Variants in OSBPL6 observed in about 807,000 individuals in gnomAD.
The protein encoded by OSBPL6 is oxysterol binding protein like 6, also known as oxysterol-binding protein-related protein 6.
Under a neutral mutation model 125.8 loss-of-function variants are expected in OSBPL6, and 49 were observed. The observed-to-expected ratio is 0.39, with a 90% CI of 0.31 to 0.49. The LOEUF (loss-of-function observed/expected upper bound fraction) is 0.49. Among genes scored for constraint, OSBPL6 ranks in the 20% least tolerant of loss-of-function variants. The pLI is 0.88. For missense variants in OSBPL6, 986 were observed against 1,135.4 expected (o/e 0.87, Z 1.89); for synonymous variants, 394 against 391.8 (o/e 1.01, Z -0.07).
intron 1 of OSBPL6, among the ~76,000 whole-genome samples, chr2:178,231,637 C>CTTTT (rs1559141366): frequency 3.9e-5 from 5 of 127,566 alleles, no homozygotes; most frequent in African/African-American, 1.7e-4. Flanking sequence ...AGGGTGGTCC[C>CTTTT]ATTTTTTTTT....
chr2:178,200,247 CTTT>C (rs767677596), intron 1 of OSBPL6, among the ~76,000 whole-genome samples: 2 of 109,740 alleles, frequency 1.8e-5, no homozygotes, highest in Non-Finnish European at 1.8e-5. Context: ...TTCTTCAGAC[CTTT>C]TTTTTTTTTT....
chr2:178,217,673 A>G (rs1262919777), intron 1 of OSBPL6, among the ~76,000 whole-genome samples: 1 of 152,190 alleles, frequency 6.6e-6, no homozygotes, highest in African/African-American at 2.4e-5. Context: ...CAGGTATGAC[A>G]TTTACATAGT....
At chr2:178,388,925 G>A in intron 20 of OSBPL6, 84 bp from the exon 21 acceptor site, 3 of 1,411,600 alleles carry the variant, frequency 2.1e-6, no homozygotes, top group Non-Finnish European at 2.9e-6. Context: ...GGAAGCTTTG[G>A]CCAAAGAATA....
At position 178,363,975 on chromosome 2, in the gene OSBPL6, G is replaced by A. The variant is rs545498688; in HGVS notation, c.1287+2160G>A. The stretch of plus-strand genomic sequence containing the variant: ...CCGTGTGTGTCCATGCCTTCCCCTC[G>A]GCGTAGTCGCACCCCCACTGGCCAT... On this transcript the variant is annotated intron_variant, in intron 13 of 24. Transcript: ENST00000190611. Among the ~76,000 whole-genome samples, 21 of 152,172 alleles carry A rather than the reference G, an allele frequency of 1.4e-4. 1 individual carries two copies. The South Asian group carries it at 3.7e-3, about 27-fold the overall frequency.
chr2:178,369,601 A>G (rs6743734), intron 13 of OSBPL6, among the ~76,000 whole-genome samples: 14 of 152,194 alleles, frequency 9.2e-5, no homozygotes, highest in African/African-American at 1.7e-4. Context: ...TATTTTTCAC[A>G]TCACATCTAA....
At chr2:178,233,513 T>G (rs1472942352) in intron 1 of OSBPL6, among the ~76,000 whole-genome samples, 2 of 152,218 alleles carry the variant, frequency 1.3e-5, no homozygotes, top group South Asian at 4.1e-4. Flanking sequence ...CTGGGGATAT[T>G]ATTACTTTAG....
At chr2:178,316,876 G>T (rs1200654262) in intron 3 of OSBPL6, among the ~76,000 whole-genome samples, 1 of 152,036 alleles carries the variant, frequency 6.6e-6, no homozygotes, top group African/African-American at 2.4e-5. Context: ...AGGATACCAA[G>T]GGAGGACTGT....
intron 15 of OSBPL6, 30 bp from the exon 16 acceptor site, chr2:178,382,390 C>T (rs1694560016): frequency 6.4e-7 from 1 of 1,557,140 alleles, no homozygotes; most frequent in African/African-American, 1.4e-5. Context: ...AACAAGAATT[C>T]TGATCCTTGT....
chr2:178,326,626 C>T (rs1688716138), intron 4 of OSBPL6, among the ~76,000 whole-genome samples: 1 of 152,138 alleles, frequency 6.6e-6, no homozygotes, highest in South Asian at 2.1e-4. Flanking sequence ...CTATTTTATA[C>T]TGAGATGAGT....
chr2:178,268,135 T>G (rs969304868), intron 1 of OSBPL6, among the ~76,000 whole-genome samples: 1 of 150,938 alleles, frequency 6.6e-6, no homozygotes, highest in Non-Finnish European at 1.5e-5. Context: ...CAGGCTAGAG[T>G]GCAATGATGT....
chr2:178,325,842 A>G (rs546941910), intron 4 of OSBPL6, among the ~76,000 whole-genome samples: 2 of 152,328 alleles, frequency 1.3e-5, no homozygotes, highest in Non-Finnish European at 2.9e-5. Context: ...CTCACAGCAG[A>G]TGGGGCTTGG....
chr2:178,332,611 T>C (rs200155109), intron 6 of OSBPL6, 30 bp from the exon 7 acceptor site: 3 of 1,473,282 alleles, frequency 2.0e-6, no homozygotes, highest in African/African-American at 2.8e-5. Context: ...ATATATCCTT[T>C]CAGCCTATTT....
Position 178,349,729 on chromosome 2 carries a change from T to C in OSBPL6, c.1153+340T>C, listed in dbSNP as rs945417018. Reference sequence around the variant, plus strand: ...ATTTATTGGTTCTCTTTAGATTCTGTTTATTTCTTTTTTTATTAAATAACA... The same window carrying C: ...ATTTATTGGTTCTCTTTAGATTCTGCTTATTTCTTTTTTTATTAAATAACA... On this transcript the variant is annotated intron_variant, in intron 12 of 24. Coordinates refer to ENST00000190611, the MANE Select transcript of OSBPL6 (RefSeq NM_032523.4). Among the ~76,000 whole-genome samples the C allele has an allele frequency of 2.6e-5, 4 of 152,332 alleles. No individual in the cohort carries two copies. In the East Asian group the frequency reaches 7.7e-4, roughly 29 times the overall value.
At chr2:178,291,178 G>A (rs953722133) in intron 2 of OSBPL6, among the ~76,000 whole-genome samples, 27 of 151,852 alleles carry the variant, frequency 1.8e-4, no homozygotes, top group African/African-American at 6.3e-4. Flanking sequence ...GACAGAAGAT[G>A]AATTTTTCTC....
chr2:178,270,487 C>T (rs2092352436), intron 1 of OSBPL6, among the ~76,000 whole-genome samples: 1 of 152,170 alleles, frequency 6.6e-6, no homozygotes, highest in Non-Finnish European at 1.5e-5. Flanking sequence ...GGAGGCATAC[C>T]TTTCCCAGCG....
intron 2 of OSBPL6, among the ~76,000 whole-genome samples, chr2:178,299,507 T>C (rs1413850063): frequency 6.8e-6 from 1 of 147,730 alleles, no homozygotes; most frequent in African/African-American, 2.4e-5. Context: ...ATGAACTTAC[T>C]TTTTTTCTTT....
In OSBPL6 at chr2:178,384,185, C is replaced by T. The variant is rs1388157283; in HGVS notation, c.2013+9C>T. The T allele has an allele frequency of 6.2e-7, 1 of 1,611,346 alleles. No individual in the cohort carries two copies. The highest frequency in any genetic ancestry group is 1.7e-5 in the Admixed American group (1 of 59,956). ...GCTTTTTCTCAGAACAGGTAAGCGC[C>T]ACTGGACTCAGTGAGGTTTCTATAT... On this transcript the variant is annotated intron_variant, in intron 18 of 24. Transcript: ENST00000190611.
At chr2:178,279,686 G>A (rs898272885) in intron 1 of OSBPL6, among the ~76,000 whole-genome samples, 2 of 152,140 alleles carry the variant, frequency 1.3e-5, no homozygotes, top group African/African-American at 2.4e-5. Context: ...ACGCATGCAC[G>A]CCAATTTTGG....
chr2:178,352,258 G>A (rs1691329943), intron 12 of OSBPL6, among the ~76,000 whole-genome samples: 1 of 152,214 alleles, frequency 6.6e-6, no homozygotes, highest in Non-Finnish European at 1.5e-5. Context: ...GCAGCCCACA[G>A]AGGGTGGGCC....
Sources: gnomAD v4.1 joint callset for allele counts (sites outside exome capture counted in the v4.1 genomes callset) on GRCh38, gnomAD v4.1.1 for gene constraint, MANE v1.5 for transcripts, NCBI Gene and HGNC (gene_info 2026-07-23, HGNC 2026-07-21) for gene names.